Variants in ANK3 observed in about 807,000 individuals in gnomAD.
ANK3 encodes the protein ankyrin-3.
A neutral mutation model predicts 370.9 loss-of-function variants in ANK3; 57 were observed. That is an observed-to-expected ratio of 0.15 (90% CI 0.12 to 0.19). The LOEUF is 0.19. ANK3 is among the 10% of genes least tolerant of loss of function. The probability of loss-of-function intolerance (pLI) is 1.00; values close to 1 mark genes in which losing one functional copy is unlikely to be tolerated. For synonymous variants in ANK3, 1,929 were observed against 1,946.3 expected, an observed-to-expected ratio of 0.99 and a Z score of 0.23; for missense variants, 4,439 against 5,302.1, an observed-to-expected ratio of 0.84 and a Z score of 5.06.
chr10:60,421,464 G>C (rs534570231), intron 2 of ANK3, among the ~76,000 whole-genome samples: 14 of 151,884 alleles, frequency 9.2e-5, no homozygotes, highest in Non-Finnish European at 1.8e-4. Context: ...GTGGGGAGGG[G>C]GCAGTTGCAC....
chr10:60,105,137 G>A (rs771443367), intron 28 of ANK3, among the ~76,000 whole-genome samples: 2 of 152,046 alleles, frequency 1.3e-5, no homozygotes, highest in Non-Finnish European at 2.9e-5. Flanking sequence ...ATTAGGAAGT[G>A]AGTATAAAGG....
intron 1 of ANK3, among the ~76,000 whole-genome samples, chr10:60,348,347 CAA>C (rs35147179): frequency 0.014 from 921 of 68,130 alleles, 14 homozygotes; most frequent in Middle Eastern, 0.051. Context: ...TATCACTAGC[CAA>C]AAAAAAAAAA....
intron 2 of ANK3, among the ~76,000 whole-genome samples, chr10:60,449,642 T>C (rs2064544033): frequency 6.6e-6 from 1 of 152,240 alleles, no homozygotes; most frequent in African/African-American, 2.4e-5. Context: ...CCTCAGTTAC[T>C]TTCCATAAAA....
intron 8 of ANK3, among the ~76,000 whole-genome samples, chr10:60,217,432 C>T (rs1416313289): frequency 1.3e-5 from 2 of 152,022 alleles, no homozygotes; most frequent in East Asian, 3.9e-4. Context: ...GCTTTAGTTG[C>T]CTCCTAGAGA....
At chr10:60,400,371 T>C (rs554684386) in intron 2 of ANK3, among the ~76,000 whole-genome samples, 103 of 152,336 alleles carry the variant, frequency 6.8e-4, no homozygotes, top group Admixed American at 1.3e-3. Context: ...CAAAATCTTT[T>C]ACAAGTCTTT....
At chr10:60,213,969 C>T (rs1245166814) in intron 8 of ANK3, among the ~76,000 whole-genome samples, 2 of 151,910 alleles carry the variant, frequency 1.3e-5, no homozygotes, top group African/African-American at 4.8e-5. Flanking sequence ...ATTTCTCTGC[C>T]ATGAAATTAT....
At position 60,072,463 on chromosome 10, in the gene ANK3, A is replaced by G. The variant is rs1330370996; in HGVS notation, c.8418T>C (p.Ser2806=). 6.2e-7 allele frequency: 1 copy of G among 1,613,922 alleles called. No homozygotes were observed. Among genetic ancestry groups the G allele is most frequent in the Non-Finnish European group, 8.5e-7 (1 of 1,180,012 alleles). Residue 2806 remains serine, a synonymous_variant, in exon 37 of 44, where the codon TCT becomes TCC. Coordinates refer to ENST00000280772, the MANE Select transcript of ANK3 (RefSeq NM_020987.5). ...CAGTTCTCTGTTTTTTCACATTATCAGAGCCAGAATCATTTACAACAATTT... is the reference window on the plus strand; with the variant it reads ...CAGTTCTCTGTTTTTTCACATTATCGGAGCCAGAATCATTTACAACAATTT... The part of the protein sequence containing the change: ...SNEIVVNDSG[S]DNVKKQRTEM...
At chr10:60,706,501 C>T (rs1053396117) in intron 1 of ANK3, among the ~76,000 whole-genome samples, 1 of 151,918 alleles carries the variant, frequency 6.6e-6, no homozygotes, top group Non-Finnish European at 1.5e-5. Flanking sequence ...CCAATAAATA[C>T]TCTTAGTCTG....
intron 1 of ANK3, among the ~76,000 whole-genome samples, chr10:60,726,365 C>G (rs1310788277): frequency 6.6e-6 from 1 of 152,168 alleles, no homozygotes; most frequent in Non-Finnish European, 1.5e-5. Context: ...GTAGCAGTGT[C>G]AGACATAAGG....
chr10:60,421,517 C>T (rs1278063739), intron 2 of ANK3, among the ~76,000 whole-genome samples: 1 of 151,820 alleles, frequency 6.6e-6, no homozygotes, highest in African/African-American at 2.4e-5. Context: ...GTTTTGATTT[C>T]TCAAAGGAAA....
Position 60,076,435 on chromosome 10 carries a change from T to G in ANK3, c.4446A>C (p.Thr1482=). 1 of 1,590,646 alleles carries G rather than the reference T, an allele frequency of 6.3e-7. No homozygotes were observed. The highest frequency in any genetic ancestry group is 8.6e-7 in the Non-Finnish European group (1 of 1,169,108). The change falls in exon 37 of 44, where the codon ACA becomes ACC. Residue 1482 remains threonine (T), a synonymous_variant. Coordinates refer to ENST00000280772, the MANE Select transcript of ANK3 (RefSeq NM_020987.5). ...LTEPGMIERS[T]GATRSLPTTY... ...TGGTGGGGAGGGATCTTGTTGCTCCTGTACTCCGTTCAACTGTTTCTTAAA... is the reference window on the plus strand; with the variant it reads ...TGGTGGGGAGGGATCTTGTTGCTCCGGTACTCCGTTCAACTGTTTCTTAAA...
At chr10:60,036,397 C>G (rs1356900511) in intron 43 of ANK3, among the ~76,000 whole-genome samples, 3 of 136,314 alleles carry the variant, frequency 2.2e-5, no homozygotes, top group African/African-American at 8.4e-5. Context: ...GGTTGGAGCT[C>G]TGCGGAAGAG....
At chr10:60,516,058 A>G (rs2076210115) in intron 2 of ANK3, among the ~76,000 whole-genome samples, 1 of 152,092 alleles carries the variant, frequency 6.6e-6, no homozygotes, top group Non-Finnish European at 1.5e-5. Flanking sequence ...ATAATGTAAT[A>G]AATAGGGAAT....
At chr10:60,604,840 T>A (rs911290049) in intron 2 of ANK3, among the ~76,000 whole-genome samples, 3 of 152,072 alleles carry the variant, frequency 2.0e-5, no homozygotes, top group Non-Finnish European at 4.4e-5. Context: ...ATAGTGTGCT[T>A]TATTATTGAA....
intron 2 of ANK3, among the ~76,000 whole-genome samples, chr10:60,544,195 T>C (rs750985877): frequency 6.6e-6 from 1 of 152,122 alleles, no homozygotes; most frequent in African/African-American, 2.4e-5. Context: ...TATCCATATA[T>C]GTTTTATTCT....
chr10:60,295,105 C>T (rs957269954), intron 1 of ANK3, among the ~76,000 whole-genome samples: 3 of 152,242 alleles, frequency 2.0e-5, no homozygotes, highest in South Asian at 2.1e-4. Flanking sequence ...AGCAAAGACT[C>T]CTATTTAAGG....
chr10:60,357,789 T>C (rs1321375850), intron 1 of ANK3, among the ~76,000 whole-genome samples: 2 of 152,088 alleles, frequency 1.3e-5, no homozygotes, highest in Admixed American at 6.6e-5. Flanking sequence ...ATAGAGAAAA[T>C]GGATACGATG....
At position 60,069,128 on chromosome 10, in the gene ANK3, G is replaced by C. The variant is rs2082208087; in HGVS notation, c.11753C>G (p.Thr3918Arg). 1 of 1,614,056 alleles carries C rather than the reference G, an allele frequency of 6.2e-7. No individual in the cohort carries two copies. The highest frequency in any genetic ancestry group is 1.3e-5 in the African/African-American group (1 of 74,916). Reference protein sequence around the residue: ...DVKSRIPVKNTHRDNIIAVRK... With the variant: ...DVKSRIPVKNRHRDNIIAVRK... ...AACTGCAATTATGTTATCCCTGTGT[G>C]TGTTTTTCACTGGAATTCTGGACTT... The change falls in exon 37 of 44, where the codon ACA becomes AGA. Residue 3918 changes from threonine to arginine, a missense_variant. Physicochemically the swap from Thr to Arg is moderately conservative, Grantham distance 71. Coordinates refer to ENST00000280772, the MANE Select transcript of ANK3 (RefSeq NM_020987.5).
intron 1 of ANK3, among the ~76,000 whole-genome samples, chr10:60,730,372 G>A: frequency 6.6e-6 from 1 of 152,016 alleles, no homozygotes; most frequent in East Asian, 1.9e-4. Flanking sequence ...TACCAGGGCT[G>A]GTCTCGAACT....
Sources: allele counts gnomAD v4.1 joint callset (sites outside exome capture counted in the v4.1 genomes callset), GRCh38; gene constraint gnomAD v4.1.1; transcripts MANE v1.5; gene names NCBI Gene and HGNC (gene_info 2026-07-23, HGNC 2026-07-21).